Variants in PIGL observed in about 807,000 individuals in gnomAD.
PIGL encodes the protein N-acetylglucosaminyl-phosphatidylinositol de-N-acetylase.
PIGL carries 22 observed loss-of-function variants against 31.1 expected under a neutral mutation model. That is an observed-to-expected ratio of 0.71 (90% CI 0.51 to 1.01). PIGL has a LOEUF of 1.01. Ranked by LOEUF, PIGL falls within the 50% of genes least tolerant of loss-of-function variation. The pLI, the probability that PIGL is intolerant of heterozygous loss-of-function variation, is 0.00. For missense variants in PIGL, 302 were observed against 315.9 expected, an observed-to-expected ratio of 0.96 and a Z score of 0.33; for synonymous variants, 131 against 117.4, an observed-to-expected ratio of 1.12 and a Z score of -0.75.
At chr17:16,320,935 A>AT (rs34777606) in intron 6 of PIGL, among the ~76,000 whole-genome samples, 48,373 of 90,072 alleles carry the variant, frequency 0.54, 13,564 homozygotes, top group Non-Finnish European at 0.62. Flanking sequence ...GTGCCTGGCC[A>AT]TTTTTTTTTT....
At chr17:16,268,150 A>G (rs1439089061) in intron 2 of PIGL, among the ~76,000 whole-genome samples, 1 of 152,194 alleles carries the variant, frequency 6.6e-6, no homozygotes, top group Non-Finnish European at 1.5e-5. Flanking sequence ...GAAGATGATG[A>G]CTGGTCTACA....
chr17:16,264,635 T>G (rs376248007), intron 2 of PIGL, among the ~76,000 whole-genome samples: 1 of 44,734 alleles, frequency 2.2e-5, no homozygotes. Flanking sequence ...TTATTATTAT[T>G]ATTATTATTA....
At chr17:16,324,883 C>T (rs926722972) in intron 6 of PIGL, among the ~76,000 whole-genome samples, 6 of 152,064 alleles carry the variant, frequency 3.9e-5, no homozygotes, top group African/African-American at 1.2e-4. Context: ...AAGATAGGAA[C>T]GACAACTCAC....
At chr17:16,239,705 G>C (rs1459123605) in intron 2 of PIGL, among the ~76,000 whole-genome samples, 1 of 152,058 alleles carries the variant, frequency 6.6e-6, no homozygotes, top group Non-Finnish European at 1.5e-5. Flanking sequence ...TTGTAGATGA[G>C]TCTATTGTCT....
In PIGL at chr17:16,312,819, G is replaced by T. The variant is rs180798492; in HGVS notation, c.427-728G>T. ...GCCTGCAATCGCAGGCACTCGGCAG[G>T]CTGAGGTAGGAGAATCAGGCAGGGA... On this transcript the variant is annotated intron_variant, in intron 3 of 6. Coordinates refer to ENST00000225609, the MANE Select transcript of PIGL (RefSeq NM_004278.4). 1,009 of 156,802 alleles carry T rather than the reference G, an allele frequency of 6.4e-3. 4 individuals are homozygous for T. The highest frequency in any genetic ancestry group is 0.01 in the Non-Finnish European group (730 of 71,938). 9.7% of individuals were successfully genotyped at this position (156,802 alleles called of 1,614,324 possible).
chr17:16,242,582 A>G (rs960221263), intron 2 of PIGL, among the ~76,000 whole-genome samples: 1 of 151,038 alleles, frequency 6.6e-6, no homozygotes, highest in Non-Finnish European at 1.5e-5. Context: ...TAGGTAAATC[A>G]TCTGCAAATA....
intron 1 of PIGL, among the ~76,000 whole-genome samples, chr17:16,220,873 T>G (rs1255800654): frequency 6.6e-6 from 1 of 152,094 alleles, no homozygotes; most frequent in Admixed American, 6.6e-5. Context: ...CCTCAGGTGA[T>G]CCACCTGGCC....
chr17:16,302,339 T>G (rs1401419983), intron 3 of PIGL, among the ~76,000 whole-genome samples: 1 of 152,250 alleles, frequency 6.6e-6, no homozygotes, highest in Non-Finnish European at 1.5e-5. Context: ...CTAGCTGTGC[T>G]GACTGGGGCT....
At chr17:16,240,971 G>C (rs71360160) in intron 2 of PIGL, among the ~76,000 whole-genome samples, 2 of 151,566 alleles carry the variant, frequency 1.3e-5, no homozygotes, top group South Asian at 4.2e-4. Context: ...AAAATTAGCC[G>C]GGTGTGGTGG....
chr17:16,295,521 C>T (rs750096235), intron 2 of PIGL, among the ~76,000 whole-genome samples: 11 of 151,816 alleles, frequency 7.2e-5, no homozygotes, highest in Non-Finnish European at 1.3e-4. Flanking sequence ...GTGGCTCACA[C>T]CTGTAATCTC....
At chr17:16,229,676 C>T (rs1396876025) in intron 1 of PIGL, among the ~76,000 whole-genome samples, 1 of 151,864 alleles carries the variant, frequency 6.6e-6, no homozygotes, top group Non-Finnish European at 1.5e-5. Flanking sequence ...CTATAGCCAT[C>T]CTAGTAAGTG....
intron 2 of PIGL, among the ~76,000 whole-genome samples, chr17:16,299,514 A>G (rs1228733174): frequency 4.6e-5 from 7 of 152,190 alleles, no homozygotes; most frequent in Non-Finnish European, 7.4e-5. Flanking sequence ...ATGAAGTAAC[A>G]TATCTTTGTA....
chr17:16,282,124 A>C (rs769697675), intron 2 of PIGL: 1 of 475,372 alleles, frequency 2.1e-6, no homozygotes, highest in Non-Finnish European at 4.5e-6. Context: ...CTATCTGAGC[A>C]TCACCAGACA....
chr17:16,263,000 C>T (rs1331835633), intron 2 of PIGL, among the ~76,000 whole-genome samples: 4 of 150,660 alleles, frequency 2.7e-5, no homozygotes, highest in Non-Finnish European at 4.4e-5. Context: ...TATTAAATGC[C>T]CAGAAGAAGC....
At chr17:16,304,556 A>G (rs141218354) in intron 3 of PIGL, among the ~76,000 whole-genome samples, 96 of 152,234 alleles carry the variant, frequency 6.3e-4, no homozygotes, top group Admixed American at 1.5e-3. Flanking sequence ...CCAGGAGTTT[A>G]TGACCAGCCT....
At chr17:16,249,952 A>AT (rs1268773019) in intron 2 of PIGL, among the ~76,000 whole-genome samples, 5 of 151,940 alleles carry the variant, frequency 3.3e-5, no homozygotes, top group Non-Finnish European at 7.4e-5. Context: ...AATTATTATT[A>AT]TTTTTGTGTG....
At chr17:16,310,286 AGT>A (rs10522327) in intron 3 of PIGL, among the ~76,000 whole-genome samples, 56,947 of 145,882 alleles carry the variant, frequency 0.39, 11,163 homozygotes, top group East Asian at 0.62. Flanking sequence ...ATTATTAAAA[AGT>A]GTGTGTGTGT....
rs56330849 is a variant in PIGL at position 16,308,587 on chromosome 17, C to A, written c.427-4960C>A. Reference sequence around the variant, plus strand: ...GTGTCAGTGCAGCGGCACTATTGCGCATTTGAGACTGTAATCCCAAAATGC... The same window carrying A: ...GTGTCAGTGCAGCGGCACTATTGCGAATTTGAGACTGTAATCCCAAAATGC... On this transcript the variant is annotated intron_variant, in intron 3 of 6. Coordinates refer to ENST00000225609, the MANE Select transcript of PIGL (RefSeq NM_004278.4). 1.7e-3 allele frequency among the ~76,000 whole-genome samples: 265 copies of A among 152,082 alleles called. 1 individual carries two copies. In the Middle Eastern group the frequency reaches 0.041, roughly 23 times the overall value.
intron 2 of PIGL, among the ~76,000 whole-genome samples, chr17:16,276,175 C>A (rs960242172): frequency 6.6e-6 from 1 of 152,182 alleles, no homozygotes; most frequent in Non-Finnish European, 1.5e-5. Context: ...GCAACACATT[C>A]CACAATGGTA....
Sources: allele counts gnomAD v4.1 joint callset (sites outside exome capture counted in the v4.1 genomes callset), GRCh38; gene constraint gnomAD v4.1.1; transcripts MANE v1.5; gene names NCBI Gene and HGNC (gene_info 2026-07-23, HGNC 2026-07-21).